SPTA1: variants seen among roughly 807,000 people sequenced by gnomAD.
SPTA1 encodes the protein spectrin alpha chain, erythrocytic 1.
A neutral mutation model predicts 324.7 loss-of-function variants in SPTA1; 177 were observed. That is an observed-to-expected ratio of 0.55 (90% CI 0.48 to 0.62). The LOEUF is 0.62. Among genes scored for constraint, SPTA1 ranks in the 20% least tolerant of loss-of-function variants. The pLI, the probability that SPTA1 is intolerant of heterozygous loss-of-function variation, is 0.00. For synonymous variants in SPTA1, 1,195 were observed against 1,041.3 expected, an observed-to-expected ratio of 1.15 and a Z score of -2.84; for missense variants, 3,162 against 2,883.6, an observed-to-expected ratio of 1.10 and a Z score of -2.21.
chr1:158,657,754 T>C (rs1652932358), intron 18 of SPTA1, 60 bp from the exon 19 acceptor site: 3 of 1,524,970 alleles, frequency 2.0e-6, no homozygotes, highest in Non-Finnish European at 2.7e-6. Context: ...CATACTCTAA[T>C]CCTTTTGGTA....
chr1:158,614,334 T>C (rs769569232), intron 48 of SPTA1, 28 bp from the exon 49 acceptor site: 1 of 1,486,368 alleles, frequency 6.7e-7, no homozygotes, highest in South Asian at 1.2e-5. Flanking sequence ...AACATGAATT[T>C]TCCCTGTATA....
chr1:158,612,605 G>T, intron 51 of SPTA1: 2 of 563,798 alleles, frequency 3.5e-6, no homozygotes, highest in Middle Eastern at 4.0e-4. Flanking sequence ...ATTTTGAATT[G>T]ACTCTCACAT....
Position 158,615,337 on chromosome 1 carries a change from A to C in SPTA1, c.6667T>G (p.Leu2223Val), listed in dbSNP as rs1328044147. 2 of 1,614,094 alleles carry C rather than the reference A, an allele frequency of 1.2e-6. No homozygotes were observed. The highest frequency in any genetic ancestry group is 2.2e-5 in the South Asian group (2 of 91,078). The change falls in exon 48 of 52, where the codon TTG becomes GTG. Residue 2223 changes from leucine (L) to valine (V), a missense_variant. By Grantham distance (32) the Leu-to-Val change is conservative. Coordinates refer to ENST00000643759, the MANE Select transcript of SPTA1 (RefSeq NM_003126.4). ...ATATCAAGGATCAGAGCGTCTTCCA[A>C]GTTGTCCCCCAGGTCCACAATCTTG... The part of the protein sequence containing the change: ...LTKIVDLGDN[L>V]EDALILDIKY...
intron 46 of SPTA1, 87 bp from the exon 47 acceptor site, chr1:158,617,675 C>T: frequency 7.7e-7 from 1 of 1,301,458 alleles, no homozygotes; most frequent in Non-Finnish European, 1.1e-6. Context: ...TCCTCTGTTT[C>T]AACTTCTCCA....
At chr1:158,671,590 T>A (rs1471377190) in intron 11 of SPTA1, 137 bp from the exon 12 acceptor site, 2 of 724,252 alleles carry the variant, frequency 2.8e-6, no homozygotes, top group African/African-American at 3.5e-5. Flanking sequence ...TGGGTAGAAA[T>A]TAACTTTAAA....
intron 39 of SPTA1, among the ~76,000 whole-genome samples, chr1:158,628,938 C>T (rs1476674063): frequency 6.6e-6 from 1 of 151,902 alleles, no homozygotes; most frequent in Non-Finnish European, 1.5e-5. Flanking sequence ...CAGAAATAAA[C>T]CTCTCAACAA....
rs187078293 is a variant in SPTA1 at position 158,661,033 on chromosome 1, A to G, written c.2587+254T>C. Among the ~76,000 whole-genome samples the G allele has an allele frequency of 5.4e-4, 83 of 152,318 alleles. 1 individual carries two copies. Among genetic ancestry groups the G allele is most frequent in the Non-Finnish European group, 1.1e-3 (72 of 68,026 alleles). On this transcript the variant is annotated intron_variant, in intron 18 of 51. Coordinates refer to ENST00000643759, the MANE Select transcript of SPTA1 (RefSeq NM_003126.4). ...ACTTCTACAGAGAAGCATATTAATG[A>G]TTAGGATAAAGACATTTTACTTTAA...
rs750663070 is a variant in SPTA1, at chr1:158,639,655, G to C, written c.4907C>G (p.Ala1636Gly). Reference sequence around the variant, plus strand: ...GTTTCCTGCTGAAGCCAAGTCCCTGGCCTGATCTTTCATGGCCAGCAATGT... The same window carrying C: ...GTTTCCTGCTGAAGCCAAGTCCCTGCCCTGATCTTTCATGGCCAGCAATGT... The part of the protein sequence containing the change: ...AETLLAMKDQ[A>G]RDLASAGNLL... The change falls in exon 35 of 52, where the codon GCC (alanine) becomes GGC (glycine). Residue 1636 changes from alanine to glycine, a missense_variant. Coordinates refer to ENST00000643759, the MANE Select transcript of SPTA1 (RefSeq NM_003126.4). 7.1e-5 allele frequency: 115 copies of C among 1,613,704 alleles called. No individual in the cohort carries two copies. The East Asian group carries it at 2.4e-3, about 34-fold the overall frequency.
intron 37 of SPTA1, among the ~76,000 whole-genome samples, 173 bp downstream of exon 37, chr1:158,636,468 C>T (rs1651077396): frequency 1.3e-5 from 2 of 152,154 alleles, no homozygotes. Context: ...AACTCTTCTA[C>T]TTATAGGAGA....
intron 40 of SPTA1, 124 bp from the exon 41 acceptor site, chr1:158,627,131 G>A (rs1339863282): frequency 1.6e-6 from 2 of 1,260,254 alleles, no homozygotes; most frequent in Non-Finnish European, 2.3e-6. Context: ...GACCGTCTTA[G>A]TTTGTGTAAG....
intron 5 of SPTA1, 73 bp downstream of exon 5, chr1:158,680,510 C>T: frequency 6.2e-7 from 1 of 1,601,640 alleles, no homozygotes; most frequent in Non-Finnish European, 8.5e-7. Context: ...TCATATCCAT[C>T]TACTAATGGC....
chr1:158,672,263 A>G, intron 10 of SPTA1, 67 bp from the exon 11 acceptor site: 1 of 1,482,686 alleles, frequency 6.7e-7, no homozygotes, highest in Non-Finnish European at 9.2e-7. Context: ...TTTATTGAGC[A>G]TATAATAAAT....
chr1:158,622,986 C>T lies in SPTA1; in HGVS notation c.6117G>A (p.Gln2039=). Residue 2039 remains glutamine (Q), a synonymous_variant, in exon 43 of 52, where the codon CAG becomes CAA. Coordinates refer to ENST00000643759, the MANE Select transcript of SPTA1 (RefSeq NM_003126.4). ...QKLLEKQLPL[Q]KAEDLFVEFA... is the part of the protein sequence containing the mutation. Reference sequence around the variant, plus strand: ...ATGCCTCATAATTTTTTTAAACCTTCTGTAGAGGCAGCTGTTTCTCCAGCA... The same window carrying T: ...ATGCCTCATAATTTTTTTAAACCTTTTGTAGAGGCAGCTGTTTCTCCAGCA... 2 of 1,613,880 alleles carry T rather than the reference C, an allele frequency of 1.2e-6. No homozygotes were observed. Among genetic ancestry groups the T allele is most frequent in the South Asian group, 1.1e-5 (1 of 91,070 alleles).
chr1:158,675,347 A>C (rs1053398137), intron 8 of SPTA1, among the ~76,000 whole-genome samples: 35 of 152,264 alleles, frequency 2.3e-4, no homozygotes, highest in African/African-American at 8.2e-4. Context: ...TCAGTTCCTT[A>C]TCTAGAGTCA....
intron 51 of SPTA1, chr1:158,611,765 C>G (rs867827634): frequency 8.7e-6 from 2 of 231,058 alleles, no homozygotes; most frequent in African/African-American, 2.3e-5. Flanking sequence ...GTAAAATACT[C>G]AAGAAGGTAG....
rs1460798105 is a variant in SPTA1 at position 158,668,287 on chromosome 1, T to C, written c.1834-225A>G. Among the ~76,000 whole-genome samples, 5 of 152,300 alleles carry C rather than the reference T, an allele frequency of 3.3e-5. No individual in the cohort carries two copies. In the East Asian group the frequency reaches 7.7e-4, roughly 24 times the overall value. Reference sequence around the variant, plus strand: ...TAAGCTGGCAATTTTTTTGCTGGACTTAGATATGGCTTGAAGATCATTTTG... The same window carrying C: ...TAAGCTGGCAATTTTTTTGCTGGACCTAGATATGGCTTGAAGATCATTTTG... On this transcript the variant is annotated intron_variant, in intron 14 of 51. Coordinates refer to ENST00000643759, the MANE Select transcript of SPTA1 (RefSeq NM_003126.4).
intron 34 of SPTA1, 31 bp downstream of exon 34, chr1:158,639,838 CT>C (rs1557944393): frequency 6.2e-7 from 1 of 1,613,838 alleles, no homozygotes; most frequent in Non-Finnish European, 8.5e-7. Context: ...GTATTAAACT[CT>C]TGTGTCTCTA....
Position 158,619,805 on chromosome 1 carries a change from G to A in SPTA1, c.6417+365C>T, listed in dbSNP as rs756176176. Among the ~76,000 whole-genome samples the A allele has an allele frequency of 5.3e-5, 8 of 152,192 alleles. No individual in the cohort carries two copies. The South Asian group carries it at 1.7e-3, about 32-fold the overall frequency. On this transcript the variant is annotated intron_variant, in intron 44 of 51. Transcript: ENST00000643759. ...AAGCTAAAAATACATACGTAGCAAG[G>A]CACTTTTGGAGGTGTATATAAAAAC... is the stretch of plus-strand genomic sequence containing the variant.
chr1:158,620,275 C>A lies in SPTA1; in HGVS notation c.6312G>T (p.Glu2104Asp). Residue 2104 changes from glutamate to aspartate, a missense_variant, in exon 44 of 52, where the codon GAG (glutamate) becomes GAT (aspartate). Coordinates refer to ENST00000643759, the MANE Select transcript of SPTA1 (RefSeq NM_003126.4). The stretch of plus-strand genomic sequence containing the variant: ...CTAAGGCCTTAATCTGCTGGTCTAG[C>A]TCCAGCAAACATTTAAAGTCTGCTT... ...RAQADFKCLL[E>D]LDQQIKALGV... The A allele has an allele frequency of 1.2e-6, 2 of 1,614,080 alleles. No homozygotes were observed. The highest frequency in any genetic ancestry group is 1.7e-6 in the Non-Finnish European group (2 of 1,180,030).
Sources: gnomAD v4.1 joint callset for allele counts (sites outside exome capture counted in the v4.1 genomes callset) on GRCh38, gnomAD v4.1.1 for gene constraint, MANE v1.5 for transcripts, NCBI Gene and HGNC (gene_info 2026-07-23, HGNC 2026-07-21) for gene names.